Variants in MAGI1 observed in about 807,000 individuals in gnomAD.
MAGI1 encodes the protein membrane associated guanylate kinase, WW and PDZ domain containing 1, also known as membrane-associated guanylate kinase, WW and PDZ domain-containing protein 1.
A neutral mutation model predicts 139.9 loss-of-function variants in MAGI1; 58 were observed. The observed-to-expected ratio is 0.41, with a 90% CI of 0.34 to 0.52. MAGI1 has a LOEUF of 0.52. MAGI1 is among the 20% of genes least tolerant of loss of function. The pLI, the probability that MAGI1 is intolerant of heterozygous loss-of-function variation, is 0.12. For synonymous variants in MAGI1, 812 were observed against 737.9 expected, an observed-to-expected ratio of 1.10 and a Z score of -1.63; for missense variants, 1,874 against 1,901.6, an observed-to-expected ratio of 0.99 and a Z score of 0.27.
At chr3:65,500,292 T>G (rs951502618) in intron 2 of MAGI1, among the ~76,000 whole-genome samples, 1 of 152,202 alleles carries the variant, frequency 6.6e-6, no homozygotes, top group Non-Finnish European at 1.5e-5. Flanking sequence ...ACTAGAATAG[T>G]GAATATCAAC....
chr3:65,496,051 T>C (rs1275270354), intron 2 of MAGI1, among the ~76,000 whole-genome samples: 1 of 152,124 alleles, frequency 6.6e-6, no homozygotes, highest in Non-Finnish European at 1.5e-5. Context: ...TCTTTTATTT[T>C]CCTTTTCAGA....
At chr3:65,634,771 G>C (rs546327139) in intron 1 of MAGI1, among the ~76,000 whole-genome samples, 1 of 152,126 alleles carries the variant, frequency 6.6e-6, no homozygotes, top group Non-Finnish European at 1.5e-5. Flanking sequence ...TCAGCTAAGG[G>C]AATGTTGACT....
intron 1 of MAGI1, among the ~76,000 whole-genome samples, chr3:65,729,806 G>C (rs1349899314): frequency 1.3e-5 from 2 of 152,136 alleles, no homozygotes; most frequent in Non-Finnish European, 2.9e-5. Flanking sequence ...TGCAATCTAA[G>C]CAGGAAACTG....
intron 1 of MAGI1, among the ~76,000 whole-genome samples, chr3:66,035,703 T>C (rs2068877802): frequency 6.6e-6 from 1 of 152,062 alleles, no homozygotes; most frequent in Non-Finnish European, 1.5e-5. Flanking sequence ...CATACATACA[T>C]ATACACACAC....
intron 1 of MAGI1, among the ~76,000 whole-genome samples, chr3:65,841,223 G>GA (rs2058791338): frequency 6.6e-6 from 1 of 151,840 alleles, no homozygotes; most frequent in Admixed American, 6.6e-5. Flanking sequence ...ACTTTTCAAA[G>GA]AACTAGCTTT....
chr3:65,454,735 A>C (rs67518407), intron 5 of MAGI1, among the ~76,000 whole-genome samples: 79,397 of 149,298 alleles, frequency 0.53, 22,806 homozygotes, highest in East Asian at 0.95. Context: ...AAAAAAAAAA[A>C]CATATGGCTT....
chr3:65,905,119 T>C (rs918040925), intron 1 of MAGI1, among the ~76,000 whole-genome samples: 9 of 152,248 alleles, frequency 5.9e-5, no homozygotes. Flanking sequence ...CCCAAGATTC[T>C]GATTTAATTG....
chr3:65,921,188 T>C (rs2062162889), intron 1 of MAGI1, among the ~76,000 whole-genome samples: 1 of 152,192 alleles, frequency 6.6e-6, no homozygotes, highest in African/African-American at 2.4e-5. Context: ...TATTTAACAA[T>C]GTTTGCCATG....
At chr3:65,939,655 G>C (rs987645154) in intron 1 of MAGI1, among the ~76,000 whole-genome samples, 11 of 152,084 alleles carry the variant, frequency 7.2e-5, no homozygotes, top group African/African-American at 2.2e-4. Flanking sequence ...TCCATACTCA[G>C]ACAGGCCCTC....
intron 2 of MAGI1, among the ~76,000 whole-genome samples, chr3:65,531,079 A>C (rs1344594357): frequency 1.3e-5 from 2 of 151,928 alleles, no homozygotes; most frequent in African/African-American, 2.4e-5. Context: ...CCACAGATTA[A>C]TGGTACTGCT....
At chr3:65,975,326 T>C (rs931765651) in intron 1 of MAGI1, among the ~76,000 whole-genome samples, 1 of 152,220 alleles carries the variant, frequency 6.6e-6, no homozygotes, top group Non-Finnish European at 1.5e-5. Context: ...AAAAAGAATT[T>C]AGACCACAAA....
Position 65,440,090 on chromosome 3 carries a change from G to T in MAGI1, c.1137-78C>A, listed in dbSNP as rs1274770973. On this transcript the variant is annotated intron_variant, in intron 8 of 22. Coordinates refer to ENST00000402939, the MANE Select transcript of MAGI1 (RefSeq NM_001033057.2). Reference sequence around the variant, plus strand: ...AAATGCCAATCAGACCAAGTCCCTGGAATCAAACTGAGCAGAGCAGGTGGT... The same window carrying T: ...AAATGCCAATCAGACCAAGTCCCTGTAATCAAACTGAGCAGAGCAGGTGGT... The T allele has an allele frequency of 2.7e-6, 4 of 1,507,094 alleles. No individual in the cohort carries two copies. The African/African-American group carries it at 5.5e-5, about 21-fold the overall frequency. The allele number at this position is 1,507,094 out of a possible 1,614,324, so 93.4% of individuals were successfully genotyped here.
intron 1 of MAGI1, among the ~76,000 whole-genome samples, chr3:65,622,851 G>A (rs1421426762): frequency 2.0e-5 from 3 of 152,168 alleles, no homozygotes; most frequent in Non-Finnish European, 4.4e-5. Flanking sequence ...ACAGGTGTGA[G>A]CCACTGCATC....
intron 2 of MAGI1, among the ~76,000 whole-genome samples, chr3:65,535,084 G>C (rs1238505253): frequency 6.6e-6 from 1 of 151,984 alleles, no homozygotes; most frequent in East Asian, 1.9e-4. Flanking sequence ...AGTCAGCCCA[G>C]GTCAGCTCCT....
At chr3:65,801,181 G>A (rs745766583) in intron 1 of MAGI1, among the ~76,000 whole-genome samples, 10 of 152,126 alleles carry the variant, frequency 6.6e-5, no homozygotes, top group Non-Finnish European at 1.0e-4. Context: ...TTCCTGAAAT[G>A]GAAAAATAAA....
intron 1 of MAGI1, among the ~76,000 whole-genome samples, chr3:65,768,136 C>T (rs79225788): frequency 6.6e-6 from 1 of 152,094 alleles, no homozygotes; most frequent in Admixed American, 6.6e-5. Context: ...ATTACTTAAG[C>T]AGGCTGGGTG....
intron 1 of MAGI1, among the ~76,000 whole-genome samples, chr3:65,885,822 T>G (rs574302110): frequency 2.0e-5 from 3 of 152,212 alleles, no homozygotes; most frequent in African/African-American, 7.2e-5. Context: ...ATGTGTGTAC[T>G]AGCAGCGTGA....
rs184685465 is a variant in MAGI1, at chr3:65,802,915, T to C, written c.314-180827A>G. Among the ~76,000 whole-genome samples the C allele has an allele frequency of 3.3e-5, 5 of 150,658 alleles. No homozygotes were observed. In the East Asian group the frequency reaches 1.0e-3, roughly 30 times the overall value. On this transcript the variant is annotated intron_variant, in intron 1 of 22. Transcript: ENST00000402939. The stretch of plus-strand genomic sequence containing the variant: ...GTCTTTTGTTGGCATCTAACTCATC[T>C]ATGGTGAAAAACACAAATTTCATCT...
At chr3:65,965,755 T>A (rs1307705488) in intron 1 of MAGI1, among the ~76,000 whole-genome samples, 3 of 151,856 alleles carry the variant, frequency 2.0e-5, no homozygotes, top group African/African-American at 7.3e-5. Flanking sequence ...TCAACCTCCA[T>A]CTCCCAAGTT....
Sources: allele counts gnomAD v4.1 joint callset (sites outside exome capture counted in the v4.1 genomes callset), GRCh38; gene constraint gnomAD v4.1.1; transcripts MANE v1.5; gene names NCBI Gene and HGNC (gene_info 2026-07-23, HGNC 2026-07-21).